The following MGMT variants were observed in gnomAD, a reference collection of about 807,000 sequenced individuals.
MGMT encodes O-6-methylguanine-DNA methyltransferase, also known as methylated-DNA--protein-cysteine methyltransferase.
In MGMT, 14 loss-of-function variants were observed where a neutral mutation model predicts 15.9. The observed-to-expected ratio is 0.88, with a 90% CI of 0.58 to 1.37. MGMT has a LOEUF of 1.37. MGMT is among the 40% of genes most tolerant of loss of function. The pLI, the probability that MGMT is intolerant of heterozygous loss-of-function variation, is 0.00. For missense variants in MGMT, 282 were observed against 268.1 expected (o/e 1.05, Z -0.36); for synonymous variants, 130 against 118.2 (o/e 1.10, Z -0.65).
chr10:129,722,701 A>G (rs2133155661), intron 3 of MGMT, among the ~76,000 whole-genome samples: 1 of 152,332 alleles, frequency 6.6e-6, no homozygotes, highest in East Asian at 1.9e-4. Flanking sequence ...AAAGTAGATC[A>G]ATGAGGAAAG....
intron 1 of MGMT, among the ~76,000 whole-genome samples, chr10:129,486,179 T>A (rs1004088851): frequency 2.1e-4 from 1 of 4,874 alleles, no homozygotes; most frequent in Non-Finnish European, 5.1e-4. Context: ...TCTCTTCTCT[T>A]TTTTTTTTTT....
intron 2 of MGMT, among the ~76,000 whole-genome samples, chr10:129,606,608 A>G (rs912468789): frequency 2.6e-5 from 4 of 152,242 alleles, no homozygotes; most frequent in African/African-American, 9.6e-5. Flanking sequence ...TCATATGGAA[A>G]TTTGAAATAA....
At chr10:129,687,840 C>A (rs372857555) in intron 2 of MGMT, among the ~76,000 whole-genome samples, 7 of 152,050 alleles carry the variant, frequency 4.6e-5, no homozygotes, top group South Asian at 2.1e-4. Context: ...AATGCTATCC[C>A]TCCCCCAGCC....
At chr10:129,471,081 A>G (rs1275187599) in intron 1 of MGMT, among the ~76,000 whole-genome samples, 1 of 152,152 alleles carries the variant, frequency 6.6e-6, no homozygotes, top group Non-Finnish European at 1.5e-5. Flanking sequence ...GGGACACCGA[A>G]TGGATAGTCC....
rs1363331215 is a variant in MGMT, at chr10:129,767,622, G to A, written c.*625G>A. 4 of 152,302 alleles carry A rather than the reference G, an allele frequency of 2.6e-5. No homozygotes were observed. Among genetic ancestry groups the A allele is most frequent in the African/African-American group, 9.6e-5 (4 of 41,478 alleles). 9.4% of individuals were successfully genotyped at this position (152,302 alleles called of 1,614,324 possible). ...GAAAATAACCATTTGCCAAGATTTGGAAAGACAGAGAGCTCTCTGGACACG... is the reference window on the plus strand; with the variant it reads ...GAAAATAACCATTTGCCAAGATTTGAAAAGACAGAGAGCTCTCTGGACACG... On this transcript the variant is annotated 3_prime_UTR_variant, in exon 5 of 5. Coordinates refer to ENST00000651593, the MANE Select transcript of MGMT (RefSeq NM_002412.5).
chr10:129,705,389 G>A, intron 2 of MGMT, among the ~76,000 whole-genome samples: 1 of 152,216 alleles, frequency 6.6e-6, no homozygotes. Context: ...TTAAGCCAAA[G>A]TAATTTGTAT....
At chr10:129,757,986 T>G (rs1848825912) in intron 3 of MGMT, among the ~76,000 whole-genome samples, 1 of 152,208 alleles carries the variant, frequency 6.6e-6, no homozygotes, top group African/African-American at 2.4e-5. Flanking sequence ...TAGAGCACAT[T>G]TGCTATCTTT....
chr10:129,542,227 C>T (rs148201055), intron 2 of MGMT, among the ~76,000 whole-genome samples: 40 of 152,100 alleles, frequency 2.6e-4, no homozygotes, highest in African/African-American at 9.7e-4. Context: ...CTCAGTCGAC[C>T]CTCAGCCGTG....
chr10:129,496,157 A>G (rs1298367505), intron 1 of MGMT, among the ~76,000 whole-genome samples: 1 of 152,114 alleles, frequency 6.6e-6, no homozygotes, highest in African/African-American at 2.4e-5. Context: ...TAGAGATCAA[A>G]TGTTGCTACA....
chr10:129,764,502 G>A (rs897852023), intron 4 of MGMT, among the ~76,000 whole-genome samples: 2 of 152,250 alleles, frequency 1.3e-5, no homozygotes, highest in African/African-American at 4.8e-5. Context: ...GGAAGCAGAG[G>A]TGCCCAAGAA....
chr10:129,734,942 G>A (rs1355680426), intron 3 of MGMT, among the ~76,000 whole-genome samples: 1 of 152,154 alleles, frequency 6.6e-6, no homozygotes, highest in Non-Finnish European at 1.5e-5. Context: ...GCTTTTTGAT[G>A]TGCTGCTGGA....
intron 2 of MGMT, among the ~76,000 whole-genome samples, chr10:129,589,068 G>A (rs1386875327): frequency 6.6e-6 from 1 of 152,212 alleles, no homozygotes; most frequent in Non-Finnish European, 1.5e-5. Context: ...GGAAGAGGCC[G>A]GTGTTTTTGT....
intron 2 of MGMT, among the ~76,000 whole-genome samples, chr10:129,589,629 C>T (rs983884256): frequency 6.6e-6 from 1 of 152,204 alleles, no homozygotes. Context: ...AGTCGGATAT[C>T]GGCAGCACCA....
intron 2 of MGMT, among the ~76,000 whole-genome samples, chr10:129,634,543 T>C (rs1847244939): frequency 6.6e-6 from 1 of 152,158 alleles, no homozygotes; most frequent in Non-Finnish European, 1.5e-5. Context: ...TTCCTTTCTC[T>C]GTCCTCATTT....
In MGMT at chr10:129,702,390, G is replaced by A. The variant is rs74160270; in HGVS notation, c.126-5505G>A. On this transcript the variant is annotated intron_variant, in intron 2 of 4. Transcript: ENST00000651593. ...ATCCTCTCGTGCCAAGTCAAAGAAAGTGAAAGCCACCAGTGTCATGATATT... is the reference window on the plus strand; with the variant it reads ...ATCCTCTCGTGCCAAGTCAAAGAAAATGAAAGCCACCAGTGTCATGATATT... Among the ~76,000 whole-genome samples the A allele has an allele frequency of 7.0e-3, 1,064 of 152,350 alleles. 14 individuals carry two copies. The highest frequency in any genetic ancestry group is 0.024 in the African/African-American group (1,008 of 41,584).
At chr10:129,765,398 G>A (rs1848922254) in intron 4 of MGMT, among the ~76,000 whole-genome samples, 1 of 152,202 alleles carries the variant, frequency 6.6e-6, no homozygotes. Context: ...CCCTGCGGTG[G>A]CCATGCAGGC....
chr10:129,571,429 G>A (rs186510159), intron 2 of MGMT, among the ~76,000 whole-genome samples: 1 of 152,284 alleles, frequency 6.6e-6, no homozygotes, highest in Admixed American at 6.5e-5. Context: ...GAGCTTGGGT[G>A]TTTTATGAAA....
intron 2 of MGMT, among the ~76,000 whole-genome samples, chr10:129,684,022 A>G (rs548934305): frequency 6.6e-6 from 1 of 152,330 alleles, no homozygotes; most frequent in South Asian, 2.1e-4. Flanking sequence ...ACACTTCATT[A>G]CAGATGCCTC....
chr10:129,587,115 C>T (rs1316622702), intron 2 of MGMT, among the ~76,000 whole-genome samples: 1 of 152,140 alleles, frequency 6.6e-6, no homozygotes, highest in East Asian at 1.9e-4. Context: ...TATTTTCCTT[C>T]ATGTATGTGG....
Sources: allele counts gnomAD v4.1 joint callset (sites outside exome capture counted in the v4.1 genomes callset), GRCh38; gene constraint gnomAD v4.1.1; transcripts MANE v1.5; gene names NCBI Gene and HGNC (gene_info 2026-07-23, HGNC 2026-07-21).